FRMD4B: variants seen among roughly 807,000 people sequenced by gnomAD.
The protein encoded by FRMD4B is FERM domain-containing protein 4B.
A neutral mutation model predicts 141.5 loss-of-function variants in FRMD4B; 74 were observed. The observed-to-expected ratio is 0.52, with a 90% CI of 0.43 to 0.63. FRMD4B has a LOEUF of 0.63. FRMD4B is among the 30% of genes least tolerant of loss of function. FRMD4B has a pLI of 0.00. For synonymous variants in FRMD4B, 506 were observed against 467.9 expected, an observed-to-expected ratio of 1.08 and a Z score of -1.05; for missense variants, 1,366 against 1,253.4, an observed-to-expected ratio of 1.09 and a Z score of -1.36.
chr3:69,504,482 C>A (rs571615450), intron 1 of FRMD4B, among the ~76,000 whole-genome samples: 1 of 152,296 alleles, frequency 6.6e-6, no homozygotes, highest in Non-Finnish European at 1.5e-5. Flanking sequence ...CAAACCACCC[C>A]TCCCAGACCC....
At chr3:69,456,799 A>G (rs1254256415) in intron 1 of FRMD4B, among the ~76,000 whole-genome samples, 1 of 151,980 alleles carries the variant, frequency 6.6e-6, no homozygotes, top group Non-Finnish European at 1.5e-5. Context: ...GGGTCAGCAA[A>G]CTAGTTCCTG....
chr3:69,541,558 G>A (rs1701183915), intron 1 of FRMD4B, among the ~76,000 whole-genome samples: 1 of 152,172 alleles, frequency 6.6e-6, no homozygotes, highest in African/African-American at 2.4e-5. Context: ...CAATGCAAGG[G>A]AAGAGTTTGT....
At chr3:69,414,722 C>A (rs576628159) in intron 2 of FRMD4B, among the ~76,000 whole-genome samples, 1 of 152,328 alleles carries the variant, frequency 6.6e-6, no homozygotes, top group Non-Finnish European at 1.5e-5. Context: ...GCCCAGAAAG[C>A]AGGCCCAGCC....
chr3:69,434,827 G>A lies in FRMD4B; in HGVS notation c.-128-2066C>T, dbSNP rs564567200. On this transcript the variant is annotated intron_variant, in intron 1 of 5. Transcript: ENST00000459638. ...ACTATATTAGTTTGCTAGGGCTGCC[G>A]TAACAAAATACCAAAGACTGCATGG... Among the ~76,000 whole-genome samples the A allele has an allele frequency of 1.6e-4, 25 of 152,256 alleles. No homozygotes were observed. The South Asian group carries it at 4.1e-3, about 25-fold the overall frequency.
chr3:69,234,982 C>T (rs1244219345), intron 7 of FRMD4B, among the ~76,000 whole-genome samples: 3 of 151,350 alleles, frequency 2.0e-5, no homozygotes, highest in Non-Finnish European at 4.4e-5. Flanking sequence ...AACCCCACCT[C>T]TACTAAAAAT....
intron 5 of FRMD4B, among the ~76,000 whole-genome samples, chr3:69,251,731 C>G (rs1244211203): frequency 6.6e-6 from 1 of 152,222 alleles, no homozygotes; most frequent in Non-Finnish European, 1.5e-5. Context: ...AAAGGGAAGC[C>G]AGGTTGATTG....
intron 1 of FRMD4B, among the ~76,000 whole-genome samples, chr3:69,336,220 AG>A (rs1702547626): frequency 6.6e-6 from 1 of 152,192 alleles, no homozygotes. Flanking sequence ...AGAGTTAATG[AG>A]GGGCTCATCA....
At chr3:69,505,055 T>C (rs192492233) in intron 1 of FRMD4B, among the ~76,000 whole-genome samples, 29 of 149,954 alleles carry the variant, frequency 1.9e-4, no homozygotes, top group Admixed American at 1.7e-3. Context: ...GAGACTCTGA[T>C]GGACAAGGAC....
rs943535395 is a variant in FRMD4B, at chr3:69,174,091, C to T, written c.2985-2110G>A. 3.3e-5 allele frequency among the ~76,000 whole-genome samples: 5 copies of T among 150,744 alleles called. No homozygotes were observed. In the Admixed American group the frequency reaches 3.3e-4, roughly 10 times the overall value. The stretch of plus-strand genomic sequence containing the variant: ...GGCAGAGGTTGCAGTGAGCCGAGAT[C>T]GTGTCACTGCACTCCAACTTGGGCA... On this transcript the variant is annotated intron_variant, in intron 22 of 22. Transcript: ENST00000398540.
intron 2 of FRMD4B, among the ~76,000 whole-genome samples, chr3:69,399,896 A>C (rs915611737): frequency 6.6e-6 from 1 of 152,154 alleles, no homozygotes; most frequent in Non-Finnish European, 1.5e-5. Flanking sequence ...TTATATTGTC[A>C]TTGCTTAGTA....
intron 1 of FRMD4B, among the ~76,000 whole-genome samples, chr3:69,449,854 T>C (rs549221605): frequency 6.6e-6 from 1 of 152,204 alleles, no homozygotes; most frequent in Non-Finnish European, 1.5e-5. Context: ...TTAATCTCCA[T>C]ACTTTAAGAC....
chr3:69,322,478 T>C (rs1415438751), intron 1 of FRMD4B, among the ~76,000 whole-genome samples: 1 of 152,202 alleles, frequency 6.6e-6, no homozygotes, highest in Non-Finnish European at 1.5e-5. Flanking sequence ...TCCTAGCTTC[T>C]AGCAAACACT....
chr3:69,225,853 A>G (rs1474820845), intron 7 of FRMD4B, among the ~76,000 whole-genome samples: 1 of 152,112 alleles, frequency 6.6e-6, no homozygotes, highest in Non-Finnish European at 1.5e-5. Context: ...ATTAGAGGGT[A>G]GCTACTCAAA....
chr3:69,254,901 T>C (rs2093483854), intron 5 of FRMD4B, among the ~76,000 whole-genome samples: 1 of 152,040 alleles, frequency 6.6e-6, no homozygotes, highest in Admixed American at 6.6e-5. Context: ...TGAGGAACCA[T>C]GAGACAGATC....
At chr3:69,490,939 G>T (rs933622404) in intron 1 of FRMD4B, among the ~76,000 whole-genome samples, 10 of 152,066 alleles carry the variant, frequency 6.6e-5, no homozygotes, top group African/African-American at 2.4e-4. Context: ...CCTCCTCCAA[G>T]AAGGAGCCAG....
chr3:69,171,720 A>T lies in FRMD4B; in HGVS notation c.*141T>A. On this transcript the variant is annotated 3_prime_UTR_variant, in exon 23 of 23. Transcript: ENST00000398540. Reference sequence around the variant, plus strand: ...GGCTTGGTGTGTGATTCACTGATTCACTTCCAGGGCAACTAAGTCTTCTCT... The same window carrying T: ...GGCTTGGTGTGTGATTCACTGATTCTCTTCCAGGGCAACTAAGTCTTCTCT... 2.5e-6 allele frequency: 2 copies of T among 787,082 alleles called. No homozygotes were observed. Among genetic ancestry groups the T allele is most frequent in the Non-Finnish European group, 4.1e-6 (2 of 483,614 alleles). The allele number at this position is 787,082 out of a possible 1,614,324, so 48.8% of individuals were successfully genotyped here.
At chr3:69,405,684 C>T (rs148064911) in intron 2 of FRMD4B, among the ~76,000 whole-genome samples, 171 of 152,298 alleles carry the variant, frequency 1.1e-3, no homozygotes, top group African/African-American at 3.8e-3. Context: ...TAAGCCGTGA[C>T]GTTCTAGTTC....
intron 1 of FRMD4B, among the ~76,000 whole-genome samples, chr3:69,496,693 C>T (rs899920378): frequency 1.2e-4 from 15 of 124,430 alleles, no homozygotes; most frequent in African/African-American, 4.6e-4. Flanking sequence ...GAGATTAGGT[C>T]CTGATAGATC....
Position 69,267,327 on chromosome 3 carries a change from T to C in FRMD4B, c.502-17228A>G, listed in dbSNP as rs2093567151. Among the ~76,000 whole-genome samples, 3 of 152,066 alleles carry C rather than the reference T, an allele frequency of 2.0e-5. No individual in the cohort carries two copies. In the East Asian group the frequency reaches 5.8e-4, roughly 29 times the overall value. Reference sequence around the variant, plus strand: ...GATTATAAAGGAGACTTTAGAGTTATACCCACTAAATGCAATGTGTGACCC... The same window carrying C: ...GATTATAAAGGAGACTTTAGAGTTACACCCACTAAATGCAATGTGTGACCC... On this transcript the variant is annotated intron_variant, in intron 5 of 22. Transcript: ENST00000398540.
Sources: allele counts gnomAD v4.1 joint callset (sites outside exome capture counted in the v4.1 genomes callset), GRCh38; gene constraint gnomAD v4.1.1; transcripts MANE v1.5; gene names NCBI Gene and HGNC (gene_info 2026-07-23, HGNC 2026-07-21).